KCNB2: variants seen among roughly 807,000 people sequenced by gnomAD.
The protein encoded by KCNB2 is delayed rectifier potassium channel protein.
In KCNB2, 15 loss-of-function variants were observed where a neutral mutation model predicts 61.5. The observed-to-expected ratio is 0.24, with a 90% CI of 0.16 to 0.38. The LOEUF (loss-of-function observed/expected upper bound fraction) is 0.38. Among genes scored for constraint, KCNB2 ranks in the 10% least tolerant of loss-of-function variants. KCNB2 has a pLI of 1.00. For missense variants in KCNB2, 828 were observed against 1,125.2 expected, an observed-to-expected ratio of 0.74 and a Z score of 3.78; for synonymous variants, 457 against 446.0, an observed-to-expected ratio of 1.02 and a Z score of -0.31.
chr8:72,581,670 G>T (rs1806900065), intron 2 of KCNB2, among the ~76,000 whole-genome samples: 1 of 152,178 alleles, frequency 6.6e-6, no homozygotes, highest in Non-Finnish European at 1.5e-5. Context: ...GGTTTTAAAT[G>T]GTTGTACGTT....
chr8:72,711,824 C>T (rs1363743595), intron 2 of KCNB2, among the ~76,000 whole-genome samples: 1 of 152,112 alleles, frequency 6.6e-6, no homozygotes, highest in Non-Finnish European at 1.5e-5. Context: ...CCCATCTCTA[C>T]TAAAAATACC....
At chr8:72,746,847 G>T (rs1159015688) in intron 2 of KCNB2, among the ~76,000 whole-genome samples, 1 of 152,126 alleles carries the variant, frequency 6.6e-6, no homozygotes, top group Non-Finnish European at 1.5e-5. Flanking sequence ...CAACCATCCA[G>T]AAAACTAGAT....
intron 2 of KCNB2, among the ~76,000 whole-genome samples, chr8:72,791,044 C>T (rs748593148): frequency 6.6e-6 from 1 of 152,186 alleles, no homozygotes; most frequent in Non-Finnish European, 1.5e-5. Flanking sequence ...GCAAATGACT[C>T]TTCCCAAGGA....
At chr8:72,912,323 A>G (rs1806311239) in intron 2 of KCNB2, among the ~76,000 whole-genome samples, 1 of 152,092 alleles carries the variant, frequency 6.6e-6, no homozygotes, top group South Asian at 2.1e-4. Context: ...TTATGAAAAT[A>G]CATGAGGTGG....
chr8:72,561,727 A>ATATATTTG (rs1189336093), intron 1 of KCNB2, among the ~76,000 whole-genome samples: 1 of 35,280 alleles, frequency 2.8e-5, no homozygotes, highest in Non-Finnish European at 6.3e-5. Context: ...ATATATATAT[A>ATATATTTG]TCTATATCTA....
intron 2 of KCNB2, among the ~76,000 whole-genome samples, chr8:72,725,541 G>GTATATATATATATATA (rs1484909320): frequency 1.3e-5 from 1 of 74,730 alleles, no homozygotes; most frequent in East Asian, 3.9e-4. Context: ...ATATATATAT[G>GTATATATATATATATA]TGTGTATATA....
intron 2 of KCNB2, among the ~76,000 whole-genome samples, chr8:72,769,068 G>A (rs1289315138): frequency 1.3e-5 from 2 of 152,120 alleles, no homozygotes; most frequent in African/African-American, 2.4e-5. Context: ...GCTGAGGCAG[G>A]AGAATTGCTT....
At chr8:72,636,684 G>A (rs1275793689) in intron 2 of KCNB2, among the ~76,000 whole-genome samples, 1 of 152,132 alleles carries the variant, frequency 6.6e-6, no homozygotes, top group Non-Finnish European at 1.5e-5. Context: ...AGTTTTCTTT[G>A]ACTCCTGATA....
At chr8:72,787,717 A>G (rs1808867097) in intron 2 of KCNB2, among the ~76,000 whole-genome samples, 1 of 152,170 alleles carries the variant, frequency 6.6e-6, no homozygotes, top group Non-Finnish European at 1.5e-5. Context: ...AAGAAATGAG[A>G]GTTGCCTTGC....
At chr8:72,702,143 T>C (rs1290910400) in intron 2 of KCNB2, among the ~76,000 whole-genome samples, 1 of 152,188 alleles carries the variant, frequency 6.6e-6, no homozygotes, top group Non-Finnish European at 1.5e-5. Context: ...ACCCCAGCAC[T>C]ATGTCACAAC....
intron 1 of KCNB2, among the ~76,000 whole-genome samples, chr8:72,555,376 C>CT (rs1806407409): frequency 2.0e-5 from 3 of 151,652 alleles, no homozygotes; most frequent in Admixed American, 2.0e-4. Flanking sequence ...AGATACAACT[C>CT]TAAGAATATC....
chr8:72,595,105 T>C (rs1807166816), intron 2 of KCNB2, among the ~76,000 whole-genome samples: 1 of 151,916 alleles, frequency 6.6e-6, no homozygotes, highest in South Asian at 2.1e-4. Context: ...TGGAGAACAA[T>C]CAACATCTTG....
chr8:72,657,121 T>C (rs1256345330), intron 2 of KCNB2, among the ~76,000 whole-genome samples: 1 of 152,166 alleles, frequency 6.6e-6, no homozygotes, highest in Non-Finnish European at 1.5e-5. Context: ...TTAAAACATA[T>C]GGTAGGCACA....
At chr8:72,609,882 G>A (rs997270906) in intron 2 of KCNB2, among the ~76,000 whole-genome samples, 2 of 152,150 alleles carry the variant, frequency 1.3e-5, no homozygotes, top group Non-Finnish European at 2.9e-5. Context: ...CCAGGACGTC[G>A]TTACGTTGAA....
intron 2 of KCNB2, among the ~76,000 whole-genome samples, chr8:72,748,726 TC>T (rs933531461): frequency 6.6e-6 from 1 of 151,864 alleles, no homozygotes; most frequent in Non-Finnish European, 1.5e-5. Flanking sequence ...ATTTACTCTT[TC>T]TTATTTTTAT....
chr8:72,872,158 A>C (rs935042397), intron 2 of KCNB2, among the ~76,000 whole-genome samples: 8 of 152,202 alleles, frequency 5.3e-5, no homozygotes, highest in Non-Finnish European at 8.8e-5. Context: ...TTTGCTTGTT[A>C]AAATAGAGAG....
rs192571094 is a variant in KCNB2, at chr8:72,653,836, T to G, written c.579+85523T>G. 8.5e-5 allele frequency among the ~76,000 whole-genome samples: 13 copies of G among 152,338 alleles called. No individual in the cohort carries two copies. In the East Asian group the frequency reaches 2.5e-3, roughly 29 times the overall value. ...TGTCTGGGTTATGTTATATACTTGTTGAATATTTATTGTAAAGAGTTATTT... is the reference window on the plus strand; with the variant it reads ...TGTCTGGGTTATGTTATATACTTGTGGAATATTTATTGTAAAGAGTTATTT... On this transcript the variant is annotated intron_variant, in intron 2 of 2. Transcript: ENST00000523207.
At chr8:72,882,520 T>TGA (rs147239924) in intron 2 of KCNB2, among the ~76,000 whole-genome samples, 5,568 of 115,218 alleles carry the variant, frequency 0.048, 255 homozygotes, top group African/African-American at 0.13. Flanking sequence ...TGCTGACAGT[T>TGA]GAGAGAGAGA....
intron 2 of KCNB2, among the ~76,000 whole-genome samples, chr8:72,902,598 T>C (rs894424506): frequency 2.6e-5 from 4 of 152,180 alleles, no homozygotes; most frequent in Non-Finnish European, 4.4e-5. Context: ...AAAATGTCTA[T>C]TATTTCACTC....
Sources: allele counts gnomAD v4.1 joint callset (sites outside exome capture counted in the v4.1 genomes callset), GRCh38; gene constraint gnomAD v4.1.1; transcripts MANE v1.5; gene names NCBI Gene and HGNC (gene_info 2026-07-23, HGNC 2026-07-21).